The following LRP6 variants were observed in gnomAD, a reference collection of about 807,000 sequenced individuals.
LRP6 encodes the protein low-density lipoprotein receptor-related protein 6.
LRP6 carries 43 observed loss-of-function variants against 184.1 expected under a neutral mutation model. That is an observed-to-expected ratio of 0.23 (90% CI 0.18 to 0.30). The LOEUF is 0.30. Ranked by LOEUF, LRP6 falls within the 10% of genes least tolerant of loss-of-function variation. LRP6 has a pLI of 1.00. For missense variants in LRP6, 1,571 were observed against 2,005.3 expected (o/e 0.78, Z 4.14); for synonymous variants, 719 against 684.9 (o/e 1.05, Z -0.78).
chr12:12,164,168 T>G, intron 9 of LRP6, 105 bp downstream of exon 9: 1 of 1,018,316 alleles, frequency 9.8e-7, no homozygotes, highest in Non-Finnish European at 1.5e-6. Context: ...TGTTGAACTC[T>G]GCCTGTCAAA....
intron 13 of LRP6, 45 bp from the exon 14 acceptor site, chr12:12,149,198 G>C (rs937826673): frequency 2.0e-6 from 3 of 1,478,250 alleles, no homozygotes; most frequent in Non-Finnish European, 2.8e-6. Context: ...TCCAGGGGCA[G>C]ATAACCCTGA....
intron 19 of LRP6, among the ~76,000 whole-genome samples, chr12:12,129,111 G>A (rs1228069779): frequency 6.6e-6 from 1 of 152,190 alleles, no homozygotes; most frequent in Non-Finnish European, 1.5e-5. Context: ...ATATTTAAGT[G>A]TTGTGTGACA....
chr12:12,239,227 T>G (rs537914567), intron 2 of LRP6, among the ~76,000 whole-genome samples: 1 of 152,308 alleles, frequency 6.6e-6, no homozygotes, highest in Non-Finnish European at 1.5e-5. Context: ...ACAGGGACAG[T>G]GCTTTAAAGC....
At chr12:12,187,317 C>A in intron 3 of LRP6, 198 bp from the exon 4 acceptor site, 1 of 590,648 alleles carries the variant, frequency 1.7e-6, no homozygotes, top group Non-Finnish European at 3.0e-6. Flanking sequence ...GTCCAAAAGC[C>A]CCAAACAAGC....
chr12:12,140,627 G>A (rs373792312), intron 15 of LRP6, among the ~76,000 whole-genome samples: 55 of 133,954 alleles, frequency 4.1e-4, no homozygotes, highest in African/African-American at 1.3e-3. Flanking sequence ...TTTTTGAGAC[G>A]GAGTTTTGCT....
At chr12:12,264,767 T>C (rs1440754775) in intron 1 of LRP6, among the ~76,000 whole-genome samples, 16 of 151,904 alleles carry the variant, frequency 1.1e-4, no homozygotes, top group Non-Finnish European at 2.4e-4. Flanking sequence ...CTTCAAATAA[T>C]ATGTACTCAC....
intron 12 of LRP6, among the ~76,000 whole-genome samples, chr12:12,153,523 A>G (rs1020801204): frequency 6.6e-6 from 1 of 152,204 alleles, no homozygotes; most frequent in Non-Finnish European, 1.5e-5. Context: ...AGAGAAAGCC[A>G]TATGTGGCTC....
chr12:12,254,348 T>C (rs1045454034), intron 1 of LRP6, among the ~76,000 whole-genome samples: 1 of 152,096 alleles, frequency 6.6e-6, no homozygotes, highest in Non-Finnish European at 1.5e-5. Flanking sequence ...ATTAATTACA[T>C]AGGACTGAAT....
chr12:12,263,760 G>A (rs1332099679), intron 1 of LRP6, among the ~76,000 whole-genome samples: 1 of 151,978 alleles, frequency 6.6e-6, no homozygotes, highest in Non-Finnish European at 1.5e-5. Context: ...CATGAACACA[G>A]GAGGTCCAGG....
At position 12,135,181 on chromosome 12, in the gene LRP6, A is replaced by G; in HGVS notation, c.3727T>C (p.Cys1243Arg). Reference sequence around the variant, plus strand: ...AAAATTACAACATATTTACCTCCACATGATAGCTCATCTTGAAGTAGAACC... The same window carrying G: ...AAAATTACAACATATTTACCTCCACGTGATAGCTCATCTTGAAGTAGAACC... Reference protein sequence around the residue: ...HLVLLQDELSCGEPPTCSPQQ... With the variant: ...HLVLLQDELSRGEPPTCSPQQ... Residue 1243 changes from cysteine (C) to arginine (R), a missense_variant, in exon 17 of 23, where the codon TGT becomes CGT. Physicochemically the swap from Cys to Arg is radical, Grantham distance 180. This residue lies in a region of LRP6 where 763 missense variants were observed against 859.5 expected (regional missense o/e 0.89). Transcript: ENST00000261349. 6.2e-7 allele frequency: 1 copy of G among 1,613,962 alleles called. No homozygotes were observed. Among genetic ancestry groups the G allele is most frequent in the South Asian group, 1.1e-5 (1 of 91,078 alleles).
chr12:12,193,281 A>G (rs1415418143), intron 3 of LRP6, among the ~76,000 whole-genome samples: 1 of 151,882 alleles, frequency 6.6e-6, no homozygotes, highest in Non-Finnish European at 1.5e-5. Flanking sequence ...GAGATTACAA[A>G]TCAATTATTT....
At chr12:12,251,163 C>G (rs2135930386) in intron 1 of LRP6, among the ~76,000 whole-genome samples, 1 of 152,228 alleles carries the variant, frequency 6.6e-6, no homozygotes, top group South Asian at 2.1e-4. Flanking sequence ...AAACTGCTGA[C>G]CTCAAGTGAT....
intron 3 of LRP6, among the ~76,000 whole-genome samples, chr12:12,199,148 C>T (rs1396883042): frequency 6.6e-6 from 1 of 151,438 alleles, no homozygotes; most frequent in Non-Finnish European, 1.5e-5. Context: ...AAAAAAGGAG[C>T]ACAAATGGAT....
intron 1 of LRP6, among the ~76,000 whole-genome samples, chr12:12,257,894 G>A (rs1376004318): frequency 6.7e-6 from 1 of 149,096 alleles, no homozygotes; most frequent in Non-Finnish European, 1.5e-5. Context: ...CTGAGACCAG[G>A]AGGTCCAGGC....
intron 2 of LRP6, among the ~76,000 whole-genome samples, chr12:12,229,370 C>CAAAAAA (rs375650917): frequency 2.3e-4 from 14 of 61,286 alleles, no homozygotes; most frequent in East Asian, 8.5e-4. Context: ...AACTCCATTT[C>CAAAAAA]AAAAAAAAAA....
intron 12 of LRP6, among the ~76,000 whole-genome samples, chr12:12,158,571 C>A (rs2136936647): frequency 6.6e-6 from 1 of 152,282 alleles, no homozygotes; most frequent in Admixed American, 6.5e-5. Flanking sequence ...GCATTCCTCC[C>A]ACCTCAGCTT....
chr12:12,248,379 T>C (rs1033948081), intron 1 of LRP6, among the ~76,000 whole-genome samples: 7 of 151,674 alleles, frequency 4.6e-5, no homozygotes, highest in Admixed American at 3.9e-4. Context: ...TAGCTATTAC[T>C]CTTTTATCTA....
At chr12:12,254,792 G>T (rs1865420053) in intron 1 of LRP6, among the ~76,000 whole-genome samples, 1 of 152,170 alleles carries the variant, frequency 6.6e-6, no homozygotes, top group African/African-American at 2.4e-5. Context: ...AGAGTTCCCA[G>T]CCTTGCAGGT....
intron 7 of LRP6, among the ~76,000 whole-genome samples, chr12:12,175,855 A>G (rs1184162998): frequency 1.3e-5 from 2 of 151,938 alleles, no homozygotes; most frequent in Admixed American, 6.6e-5. Context: ...AAATGGGTAT[A>G]TAACAAGAAA....
Sources: allele counts gnomAD v4.1 joint callset (sites outside exome capture counted in the v4.1 genomes callset), GRCh38; gene constraint gnomAD v4.1.1; regional missense constraint gnomAD v4.1.1; transcripts MANE v1.5; gene names NCBI Gene and HGNC (gene_info 2026-07-23, HGNC 2026-07-21).